Variants in SLC25A21 observed in about 807,000 individuals in gnomAD.
SLC25A21 encodes solute carrier family 25 member 21, also known as mitochondrial 2-oxodicarboxylate carrier.
In SLC25A21, 47 loss-of-function variants were observed where a neutral mutation model predicts 43.8. The observed-to-expected ratio is 1.07, with a 90% CI of 0.85 to 1.37. The LOEUF (loss-of-function observed/expected upper bound fraction) is 1.37. SLC25A21 is among the 40% of genes most tolerant of loss of function. The pLI is 0.00. For missense variants in SLC25A21, 352 were observed against 350.2 expected, an observed-to-expected ratio of 1.00 and a Z score of -0.04; for synonymous variants, 131 against 121.3, an observed-to-expected ratio of 1.08 and a Z score of -0.52.
intron 1 of SLC25A21, among the ~76,000 whole-genome samples, chr14:37,012,338 TTA>T (rs776321902): frequency 1.3e-5 from 2 of 152,238 alleles, no homozygotes; most frequent in African/African-American, 2.4e-5. Flanking sequence ...TGTGTTCTTT[TTA>T]TATGTTATTC....
intron 1 of SLC25A21, among the ~76,000 whole-genome samples, chr14:37,158,742 C>T (rs931925783): frequency 6.6e-6 from 1 of 151,850 alleles, no homozygotes; most frequent in African/African-American, 2.4e-5. Flanking sequence ...AAGCAATCAG[C>T]CAAGAGAAAG....
intron 1 of SLC25A21, chr14:37,097,025 T>G (rs1006165659): frequency 3.4e-5 from 5 of 146,140 alleles, no homozygotes; most frequent in African/African-American, 1.4e-4. Flanking sequence ...CTGGTTTTTT[T>G]TTTGTTTTTT....
At chr14:36,997,006 G>A (rs1362510627) in intron 1 of SLC25A21, among the ~76,000 whole-genome samples, 1 of 152,130 alleles carries the variant, frequency 6.6e-6, no homozygotes, top group African/African-American at 2.4e-5. Context: ...AGAGGCAAGA[G>A]ACAGCCCAAA....
chr14:36,982,612 C>G (rs1594736356), intron 1 of SLC25A21, among the ~76,000 whole-genome samples: 1 of 151,960 alleles, frequency 6.6e-6, no homozygotes, highest in Admixed American at 6.6e-5. Flanking sequence ...CTCAGGAGTT[C>G]AAGACCAGCC....
chr14:37,085,829 GC>G (rs1390253312), intron 1 of SLC25A21, among the ~76,000 whole-genome samples: 3 of 152,146 alleles, frequency 2.0e-5, no homozygotes, highest in African/African-American at 7.2e-5. Flanking sequence ...AACTTGGCCG[GC>G]CGCGGTGGCT....
chr14:37,017,617 T>C (rs938741623), intron 1 of SLC25A21, among the ~76,000 whole-genome samples: 3 of 152,108 alleles, frequency 2.0e-5, no homozygotes, highest in African/African-American at 7.2e-5. Context: ...GTTGCCGCAA[T>C]CCTTCATTAG....
chr14:37,100,144 C>T (rs769018407), intron 1 of SLC25A21, among the ~76,000 whole-genome samples: 18 of 152,026 alleles, frequency 1.2e-4, no homozygotes, highest in Non-Finnish European at 2.2e-4. Context: ...CTGCAACCTT[C>T]GCCTCCCAGG....
chr14:36,892,730 G>T (rs2138584949), intron 1 of SLC25A21, among the ~76,000 whole-genome samples: 1 of 151,952 alleles, frequency 6.6e-6, no homozygotes, highest in African/African-American at 2.4e-5. Context: ...CCCGGTGTGT[G>T]ATGTTCCCCT....
intron 1 of SLC25A21, among the ~76,000 whole-genome samples, chr14:36,949,686 T>C (rs1892759367): frequency 6.6e-6 from 1 of 152,234 alleles, no homozygotes; most frequent in Non-Finnish European, 1.5e-5. Context: ...ATTGCCATGA[T>C]ATCAAGTTTA....
At chr14:37,095,490 C>A (rs1436130699) in intron 1 of SLC25A21, among the ~76,000 whole-genome samples, 1 of 152,246 alleles carries the variant, frequency 6.6e-6, no homozygotes, top group East Asian at 1.9e-4. Context: ...TGAACTCTAA[C>A]GTGGGCGACA....
At chr14:36,802,254 T>G (rs1887893752) in intron 3 of SLC25A21, among the ~76,000 whole-genome samples, 2 of 152,168 alleles carry the variant, frequency 1.3e-5, no homozygotes, top group Admixed American at 1.3e-4. Context: ...ATTATTCAAT[T>G]AAATTCAGCA....
At chr14:36,860,090 CTT>C (rs1890024657) in intron 2 of SLC25A21, among the ~76,000 whole-genome samples, 1 of 149,160 alleles carries the variant, frequency 6.7e-6, no homozygotes, top group South Asian at 2.1e-4. Context: ...AAATAAATAA[CTT>C]TGATAAGGTC....
chr14:36,917,919 G>GA (rs1293575325), intron 1 of SLC25A21, among the ~76,000 whole-genome samples: 1 of 152,008 alleles, frequency 6.6e-6, no homozygotes, highest in Non-Finnish European at 1.5e-5. Flanking sequence ...GTTCTCATCT[G>GA]AAAAAATGAA....
At chr14:37,077,502 A>AT (rs2138833814) in intron 1 of SLC25A21, among the ~76,000 whole-genome samples, 1 of 152,278 alleles carries the variant, frequency 6.6e-6, no homozygotes, top group Admixed American at 6.5e-5. Context: ...TAACAATTGA[A>AT]TTTTAGAACA....
At chr14:36,766,640 T>A (rs1266274936) in intron 3 of SLC25A21, among the ~76,000 whole-genome samples, 1 of 152,186 alleles carries the variant, frequency 6.6e-6, no homozygotes, top group South Asian at 2.1e-4. Context: ...CTTTCTGGCC[T>A]CTGGGTCTTT....
chr14:36,748,164 T>C (rs923390160), intron 3 of SLC25A21, among the ~76,000 whole-genome samples: 1 of 152,224 alleles, frequency 6.6e-6, no homozygotes, highest in African/African-American at 2.4e-5. Context: ...ACCGTATGAC[T>C]TCCACGTTCT....
chr14:36,991,231 A>G (rs533951211), intron 1 of SLC25A21, among the ~76,000 whole-genome samples: 24 of 152,320 alleles, frequency 1.6e-4, no homozygotes, highest in African/African-American at 5.5e-4. Context: ...TTGCCCATTC[A>G]GGTTGCTGAA....
rs141745679 is a variant in SLC25A21, at chr14:36,926,463, A to G, written c.71-51459T>C. Reference sequence around the variant, plus strand: ...GACAACAGAGGAAAAAGACCTTAGGAAGAAGAAGAAGAAAGATAAATCAGA... The same window carrying G: ...GACAACAGAGGAAAAAGACCTTAGGGAGAAGAAGAAGAAAGATAAATCAGA... On this transcript the variant is annotated intron_variant, in intron 1 of 9. Coordinates refer to ENST00000331299, the MANE Select transcript of SLC25A21 (RefSeq NM_030631.4). Among the ~76,000 whole-genome samples, 107 of 152,246 alleles carry G rather than the reference A, an allele frequency of 7.0e-4. No individual in the cohort carries two copies. In the East Asian group the frequency reaches 0.015, roughly 22 times the overall value.
chr14:36,976,020 T>C (rs1162883200), intron 1 of SLC25A21, among the ~76,000 whole-genome samples: 1 of 152,188 alleles, frequency 6.6e-6, no homozygotes, highest in Non-Finnish European at 1.5e-5. Context: ...GAATTTTTGC[T>C]TCAGATCAAA....
Sources: gnomAD v4.1 joint callset for allele counts (sites outside exome capture counted in the v4.1 genomes callset) on GRCh38, gnomAD v4.1.1 for gene constraint, MANE v1.5 for transcripts, NCBI Gene and HGNC (gene_info 2026-07-23, HGNC 2026-07-21) for gene names.